The following PRKN variants were observed in gnomAD, a reference collection of about 807,000 sequenced individuals.
PRKN encodes parkin RBR E3 ubiquitin protein ligase.
Under a neutral mutation model 59.5 loss-of-function variants are expected in PRKN, and 56 were observed. The ratio of observed to expected loss-of-function variants is 0.94; its 90% confidence interval spans 0.76 to 1.18. PRKN has a LOEUF of 1.18. PRKN is among the 50% of genes most tolerant of loss of function. PRKN has a pLI of 0.00. For missense variants in PRKN, 657 were observed against 596.4 expected (o/e 1.10, Z -1.06); for synonymous variants, 250 against 222.1 (o/e 1.13, Z -1.12).
chr6:161,430,829 A>G (rs1232102473), intron 9 of PRKN, among the ~76,000 whole-genome samples: 3 of 146,836 alleles, frequency 2.0e-5, no homozygotes, highest in African/African-American at 5.1e-5. Flanking sequence ...AAAAAAAAAA[A>G]AAAAAAAAAG....
At chr6:162,424,251 G>T (rs1789114361) in intron 2 of PRKN, among the ~76,000 whole-genome samples, 1 of 152,190 alleles carries the variant, frequency 6.6e-6, no homozygotes, top group African/African-American at 2.4e-5. Flanking sequence ...GTAGAGGGAA[G>T]AAATGGGTGA....
intron 6 of PRKN, among the ~76,000 whole-genome samples, chr6:161,814,832 T>A (rs1369286351): frequency 1.3e-5 from 2 of 152,118 alleles, no homozygotes; most frequent in Non-Finnish European, 2.9e-5. Flanking sequence ...CTATCAGGTC[T>A]CATGAAACTT....
intron 7 of PRKN, among the ~76,000 whole-genome samples, 161 bp downstream of exon 7, chr6:161,785,611 T>G (rs1033075985): frequency 6.6e-6 from 1 of 152,218 alleles, no homozygotes; most frequent in Non-Finnish European, 1.5e-5. Flanking sequence ...CCCCAGAACT[T>G]TTATCTTTTG....
At chr6:162,010,425 TATA>T (rs71754210) in intron 5 of PRKN, among the ~76,000 whole-genome samples, 6,492 of 34,270 alleles carry the variant, frequency 0.19, 800 homozygotes, top group East Asian at 0.33. Flanking sequence ...AATATACATT[TATA>T]ATATGTAATA....
At chr6:161,420,478 G>A (rs1406287088) in intron 9 of PRKN, among the ~76,000 whole-genome samples, 1 of 151,948 alleles carries the variant, frequency 6.6e-6, no homozygotes, top group Non-Finnish European at 1.5e-5. Flanking sequence ...ATGGGCTTTT[G>A]GCATGATGAA....
intron 5 of PRKN, among the ~76,000 whole-genome samples, chr6:161,990,004 G>A (rs1781584097): frequency 6.6e-6 from 1 of 152,062 alleles, no homozygotes; most frequent in South Asian, 2.1e-4. Context: ...TGCTGACTAG[G>A]AACCAGAGAT....
rs572663251 is a variant in PRKN, at chr6:162,634,345, C to T, written c.7+93317G>A. 5.9e-5 allele frequency among the ~76,000 whole-genome samples: 9 copies of T among 152,174 alleles called. No homozygotes were observed. In the South Asian group the frequency reaches 1.9e-3, roughly 32 times the overall value. On this transcript the variant is annotated intron_variant, in intron 1 of 11. Transcript: ENST00000366898. ...TCCCCACCCTTAAAAAATGGAAAAC[C>T]CAGGCCAGGCATGGTAGCTCACACC...
At position 161,371,956 on chromosome 6, in the gene PRKN, C is replaced by CA. The variant is rs1282063714; in HGVS notation, c.1168-11752dup. On this transcript the variant is annotated intron_variant, in intron 10 of 11. Transcript: ENST00000366898. This position sits in a 1 kb window ranked among gnomAD's most constrained non-coding sequence, Gnocchi z 5.5. ...GCCTGGCCCAGAAGGGCATTTTTGA[C>CA]AATGATTCTAACAGTGGTGATTTCT... is the stretch of plus-strand genomic sequence containing the variant. 6.6e-6 allele frequency among the ~76,000 whole-genome samples: 1 copy of CA among 152,122 alleles called. No individual in the cohort carries two copies. Among genetic ancestry groups the CA allele is most frequent in the Non-Finnish European group, 1.5e-5 (1 of 68,036 alleles).
Position 161,549,135 on chromosome 6 carries a change from T to G in PRKN, c.934-132A>C. ...AATAATGCATGTGTGTGTGTGTGTG[T>G]GTGTGTAGGGGGAGGGAGAGGGCCA... On this transcript the variant is annotated intron_variant, in intron 8 of 11. Coordinates refer to ENST00000366898, the MANE Select transcript of PRKN (RefSeq NM_004562.3). The surrounding 1 kb of genome is among the most constrained non-coding windows in gnomAD (Gnocchi z 6.0). 1 of 953,890 alleles carries G rather than the reference T, an allele frequency of 1.0e-6. No homozygotes were observed. The highest frequency in any genetic ancestry group is 2.6e-5 in the East Asian group (1 of 38,564). 59.1% of individuals were successfully genotyped at this position (953,890 alleles called of 1,614,324 possible).
rs181708519 is a variant in PRKN at position 161,795,319 on chromosome 6, G to A, written c.735-9411C>T. Among the ~76,000 whole-genome samples, 388 of 140,970 alleles carry A rather than the reference G, an allele frequency of 2.8e-3. 2 individuals are homozygous for A. Among genetic ancestry groups the A allele is most frequent in the African/African-American group, 9.6e-3 (364 of 37,836 alleles). 92.5% of individuals were successfully genotyped at this position (140,970 alleles called of 152,430 possible). A position where few individuals can be genotyped will look rare whatever the true frequency, so the allele number is the denominator to read the frequency against. On this transcript the variant is annotated intron_variant, in intron 6 of 11. Transcript: ENST00000366898. Reference sequence around the variant, plus strand: ...GCAATCTCGGCTCACTGTAGCCTTCGTCTCCCAGGTTCAAATGATTCTCAT... The same window carrying A: ...GCAATCTCGGCTCACTGTAGCCTTCATCTCCCAGGTTCAAATGATTCTCAT...
intron 1 of PRKN, among the ~76,000 whole-genome samples, chr6:162,601,695 TGAG>T (rs1394822009): frequency 7.2e-5 from 11 of 152,120 alleles, no homozygotes; most frequent in African/African-American, 9.7e-5. Context: ...TTTTTATATA[TGAG>T]GAGTACATTT....
chr6:162,622,299 T>G (rs59684475), intron 1 of PRKN, among the ~76,000 whole-genome samples: 91,980 of 141,590 alleles, frequency 0.65, 28,979 homozygotes, highest in African/African-American at 0.76. Flanking sequence ...CTGTTTTTTT[T>G]TTTGTTTTGT....
chr6:162,192,449 T>TTG (rs1441559671), intron 4 of PRKN, among the ~76,000 whole-genome samples: 1 of 108,176 alleles, frequency 9.2e-6, no homozygotes. Flanking sequence ...GGGATTTTTT[T>TTG]TTTTTTTTTT....
chr6:162,647,947 TGCAAAAAAAAAA>T (rs1415388198), intron 1 of PRKN, among the ~76,000 whole-genome samples: 13 of 15,554 alleles, frequency 8.4e-4, no homozygotes, highest in Admixed American at 7.1e-3. Context: ...ATGTCCACAG[TGCAAAAAAAAAA>T]AAAAAAAAAA....
chr6:162,274,754 G>A (rs887971252), intron 2 of PRKN, among the ~76,000 whole-genome samples: 1 of 152,026 alleles, frequency 6.6e-6, no homozygotes, highest in South Asian at 2.1e-4. Flanking sequence ...TGGTATTACT[G>A]AACAAGTTTC....
At position 162,011,836 on chromosome 6, in the gene PRKN, T is replaced by G. The variant is rs559413642; in HGVS notation, c.619-38419A>C. ...CCTTTACAAAATAGCAACTATCAAATTATTTTACTTCTACATATAAAATTA... is the reference window on the plus strand; with the variant it reads ...CCTTTACAAAATAGCAACTATCAAAGTATTTTACTTCTACATATAAAATTA... On this transcript the variant is annotated intron_variant, in intron 5 of 11. Transcript: ENST00000366898. Among the ~76,000 whole-genome samples, 17 of 151,970 alleles carry G rather than the reference T, an allele frequency of 1.1e-4. 1 individual carries two copies. In the South Asian group the frequency reaches 3.1e-3, roughly 28 times the overall value.
intron 7 of PRKN, among the ~76,000 whole-genome samples, chr6:161,745,226 A>G (rs561208644): frequency 1.3e-5 from 2 of 152,330 alleles, no homozygotes; most frequent in South Asian, 4.1e-4. Context: ...AACATAAAAT[A>G]AAATAAGATA....
At chr6:161,749,586 T>C (rs1164571947) in intron 7 of PRKN, among the ~76,000 whole-genome samples, 1 of 152,154 alleles carries the variant, frequency 6.6e-6, no homozygotes, top group Non-Finnish European at 1.5e-5. Context: ...TCTCTTCACC[T>C]GTACCTCTTA....
chr6:161,980,632 T>C (rs1411345641), intron 5 of PRKN, among the ~76,000 whole-genome samples: 1 of 152,226 alleles, frequency 6.6e-6, no homozygotes, highest in Admixed American at 6.5e-5. Context: ...CTGGGCTATC[T>C]GGTTGGGAGT....
Sources: allele counts gnomAD v4.1 joint callset (sites outside exome capture counted in the v4.1 genomes callset), GRCh38; gene constraint gnomAD v4.1.1; non-coding constraint Gnocchi (gnomAD v3.1); transcripts MANE v1.5; gene names NCBI Gene and HGNC (gene_info 2026-07-23, HGNC 2026-07-21).